ADGRE2: variants seen among roughly 807,000 people sequenced by gnomAD.
ADGRE2 encodes CD97 antigen.
In ADGRE2, 83 loss-of-function variants were observed where a neutral mutation model predicts 100.8. That is an observed-to-expected ratio of 0.82 (90% CI 0.69 to 0.99). The LOEUF (loss-of-function observed/expected upper bound fraction) is 0.99, where lower values mean the gene tolerates loss of function less well. ADGRE2 is among the 50% of genes least tolerant of loss of function. The pLI, the probability that ADGRE2 is intolerant of heterozygous loss-of-function variation, is 0.00. For synonymous variants in ADGRE2, 355 were observed against 413.0 expected, an observed-to-expected ratio of 0.86 and a Z score of 1.70; for missense variants, 814 against 1,035.7, an observed-to-expected ratio of 0.79 and a Z score of 2.94.
rs2043436608 is a variant in ADGRE2, at chr19:14,754,951, C to T, written c.1590+3G>A. The T allele has an allele frequency of 6.2e-7, 1 of 1,613,694 alleles. No individual in the cohort carries two copies. Among genetic ancestry groups the T allele is most frequent in the Non-Finnish European group, 8.5e-7 (1 of 1,179,976 alleles). Reference sequence around the variant, plus strand: ...AGAGTGCATCCCCTCCTAAGGGTCTCACCTGCACATCGTAGTGGGCCATGA... The same window carrying T: ...AGAGTGCATCCCCTCCTAAGGGTCTTACCTGCACATCGTAGTGGGCCATGA... On this transcript the variant is annotated splice_donor_region_variant and intron_variant, in intron 14 of 20. Coordinates refer to ENST00000315576, the MANE Select transcript of ADGRE2 (RefSeq NM_013447.4).
At chr19:14,759,183 G>A (rs1287339078) in intron 11 of ADGRE2, among the ~76,000 whole-genome samples, 3 of 152,122 alleles carry the variant, frequency 2.0e-5, no homozygotes, top group African/African-American at 4.8e-5. Flanking sequence ...TAAAGGAAGA[G>A]GGAGCCCCCA....
At chr19:14,774,674 T>TTTTCTTTC (rs139350304) in intron 2 of ADGRE2, among the ~76,000 whole-genome samples, 1 of 68,944 alleles carries the variant, frequency 1.5e-5, no homozygotes, top group Non-Finnish European at 3.8e-5. Context: ...ATATTTTAAA[T>TTTTCTTTC]TTTCTTTCTT....
chr19:14,737,304 C>T (rs2042786956), intron 20 of ADGRE2, among the ~76,000 whole-genome samples: 1 of 152,022 alleles, frequency 6.6e-6, no homozygotes, highest in Non-Finnish European at 1.5e-5. Flanking sequence ...CCTCCTGCCT[C>T]AGCCTCCCGA....
rs191953697 is a variant in ADGRE2 at position 14,776,303 on chromosome 19, C to G, written c.31+423G>C. 571 of 172,406 alleles carry G rather than the reference C, an allele frequency of 3.3e-3. 1 individual carries two copies. The highest frequency in any genetic ancestry group is 0.023 in the Middle Eastern group (8 of 346). 10.7% of individuals were successfully genotyped at this position (172,406 alleles called of 1,614,324 possible). On this transcript the variant is annotated intron_variant, in intron 2 of 20. Transcript: ENST00000315576. ...AGAAAGAAGGGAGAAGCTGGGGGTACCCTGCAGTGGAGAAGTCCTGGCCTC... is the reference window on the plus strand; with the variant it reads ...AGAAAGAAGGGAGAAGCTGGGGGTAGCCTGCAGTGGAGAAGTCCTGGCCTC...
intron 6 of ADGRE2, 131 bp from the exon 7 acceptor site, chr19:14,766,512 T>C (rs2043984133): frequency 8.5e-7 from 1 of 1,170,430 alleles, no homozygotes; most frequent in South Asian, 1.5e-5. Flanking sequence ...CACCACTTGG[T>C]GACCTTCAAC....
At chr19:14,746,391 C>CT in intron 17 of ADGRE2, 68 bp from the exon 18 acceptor site, 1 of 538,450 alleles carries the variant, frequency 1.9e-6, no homozygotes, top group Non-Finnish European at 2.9e-6. Context: ...TTTTTTTTTT[C>CT]AGACAGGGTC....
At chr19:14,737,624 C>A (rs1397432591) in intron 20 of ADGRE2, among the ~76,000 whole-genome samples, 1 of 152,068 alleles carries the variant, frequency 6.6e-6, no homozygotes, top group East Asian at 1.9e-4. Flanking sequence ...GCCTCCTAAA[C>A]CCCAAGTTAC....
Position 14,755,181 on chromosome 19 carries a change from C to A in ADGRE2, c.1417-54G>T. ...GGGCATGGTGGCTCACGCCTGTAAT[C>A]CCAGCACTTTGGGAGGCTGAAGCAG... On this transcript the variant is annotated intron_variant, in intron 13 of 20. Transcript: ENST00000315576. The A allele has an allele frequency of 1.9e-6, 3 of 1,574,950 alleles. No individual in the cohort carries two copies. The South Asian group carries it at 3.4e-5, about 18-fold the overall frequency.
intron 17 of ADGRE2, 43 bp from the exon 18 acceptor site, chr19:14,746,366 C>CCG: frequency 9.3e-7 from 1 of 1,071,082 alleles, no homozygotes; most frequent in South Asian, 1.4e-5. Flanking sequence ...ATTTTGAAAC[C>CCG]TGTTATCTCT....
chr19:14,746,509 C>T (rs1416716086), intron 17 of ADGRE2, among the ~76,000 whole-genome samples, 186 bp from the exon 18 acceptor site: 1 of 151,702 alleles, frequency 6.6e-6, no homozygotes, highest in Non-Finnish European at 1.5e-5. Flanking sequence ...AGTACAGGCA[C>T]CCACCACCAC....
intron 20 of ADGRE2, among the ~76,000 whole-genome samples, chr19:14,736,891 T>G (rs978933152): frequency 1.8e-4 from 14 of 79,834 alleles, no homozygotes; most frequent in East Asian, 9.1e-4. Context: ...TAGAAATATA[T>G]ATATTTAATA....
chr19:14,751,550 G>A lies in ADGRE2; in HGVS notation c.1910C>T (p.Ser637Leu), dbSNP rs760441774. The A allele has an allele frequency of 2.5e-6, 4 of 1,614,120 alleles. No individual in the cohort carries two copies. Among genetic ancestry groups the A allele is most frequent in the Non-Finnish European group, 2.5e-6 (3 of 1,180,012 alleles). Reference sequence around the variant, plus strand: ...CTTCTTCATGAATCTGTTGATGCTTGAGTAGTTGACCACCGTCAGGTTCCG... The same window carrying A: ...CTTCTTCATGAATCTGTTGATGCTTAAGTAGTTGACCACCGTCAGGTTCCG... ...TARNLTVVNY[S>L]SINRFMKKLM... The change falls in exon 16 of 21, where the codon TCA becomes TTA. Residue 637 changes from serine to leucine, a missense_variant. Ser to Leu is a moderately radical substitution (Grantham distance 145). Transcript: ENST00000315576.
At chr19:14,741,879 A>G in intron 20 of ADGRE2, 1 of 396,318 alleles carries the variant, frequency 2.5e-6, no homozygotes, top group African/African-American at 2.1e-5. Flanking sequence ...AGAAGATGGA[A>G]GAAGAGGTGA....
rs745384669 is a variant in ADGRE2 at position 14,774,255 on chromosome 19, C to A, written c.82+1G>T. The A allele has an allele frequency of 7.0e-6, 11 of 1,570,108 alleles. No individual in the cohort carries two copies. The highest frequency in any genetic ancestry group is 2.3e-5 in the East Asian group (1 of 43,784). On this transcript the variant is annotated splice_donor_variant, in intron 3 of 20. Transcript: ENST00000315576. LOFTEE classifies it high-confidence loss of function. ...TGCTTTCTGCTTCCCAGCAGACTCA[C>A]CCCTGGAGTCCTGGGTTTCAGCTCC... is the stretch of plus-strand genomic sequence containing the variant.
At position 14,773,093 on chromosome 19, in the gene ADGRE2, AAAAAAC is replaced by A. The variant is rs1394259118; in HGVS notation, c.200-602_200-597del. 1.5e-3 allele frequency among the ~76,000 whole-genome samples: 209 copies of A among 143,962 alleles called. 1 individual carries two copies. The highest frequency in any genetic ancestry group is 5.3e-3 in the African/African-American group (202 of 38,038). 94.4% of individuals were successfully genotyped at this position (143,962 alleles called of 152,430 possible). A position where few individuals can be genotyped will look rare whatever the true frequency, so the allele number is the denominator to read the frequency against. ...GAGACTCCATCTCAAAAAAAAAAAA[AAAAAAC>A]AAAAAAAAAAAGAAAAAAGAAAAAT... is the stretch of plus-strand genomic sequence containing the variant. On this transcript the variant is annotated intron_variant, in intron 4 of 20. Coordinates refer to ENST00000315576, the MANE Select transcript of ADGRE2 (RefSeq NM_013447.4).
In ADGRE2 at chr19:14,755,852, G is replaced by A; in HGVS notation, c.1218C>T (p.Ser406=). The change falls in exon 13 of 21, where the codon TCC becomes TCT. Residue 406 remains serine (S), a synonymous_variant. Coordinates refer to ENST00000315576, the MANE Select transcript of ADGRE2 (RefSeq NM_013447.4). Reference sequence around the variant, plus strand: ...CCAGCAACTTGCCCATCCCTGGAATGGAGACAAGGCCCACCACAGAAGGGC... The same window carrying A: ...CCAGCAACTTGCCCATCCCTGGAATAGAGACAAGGCCCACCACAGAAGGGC... ...DPGPSVVGLV[S]IPGMGKLLAE... 1 of 1,614,114 alleles carries A rather than the reference G, an allele frequency of 6.2e-7. No individual in the cohort carries two copies. The highest frequency in any genetic ancestry group is 8.5e-7 in the Non-Finnish European group (1 of 1,180,034).
At chr19:14,774,815 A>C (rs1568630737) in intron 2 of ADGRE2, among the ~76,000 whole-genome samples, 1 of 149,752 alleles carries the variant, frequency 6.7e-6, no homozygotes, top group East Asian at 2.0e-4. Context: ...CTGGGACTAC[A>C]GGCACCCACC....
rs756940070 is a variant in ADGRE2, at chr19:14,746,955, G to A, written c.2032C>T (p.Leu678Phe). ...CATATAAATCCCTTTTCTGGTTGGA[G>A]CCAGCAGCTGAAAAAAGAGAGATTA... is the stretch of plus-strand genomic sequence containing the variant. ...HLYGTPSRCW[L>F]QPEKGFIWGF... The change falls in exon 17 of 21, where the codon CTC becomes TTC. Residue 678 changes from leucine (L) to phenylalanine (F), a missense_variant. By Grantham distance (22) the Leu-to-Phe change is conservative. This residue lies in a region of ADGRE2 where 569 missense variants were observed against 692.7 expected (regional missense o/e 0.82). Coordinates refer to ENST00000315576, the MANE Select transcript of ADGRE2 (RefSeq NM_013447.4). 2 of 1,611,452 alleles carry A rather than the reference G, an allele frequency of 1.2e-6. No individual in the cohort carries two copies. The highest frequency in any genetic ancestry group is 3.4e-5 in the Admixed American group (2 of 59,580).
chr19:14,761,730 A>G (rs1192738125), intron 11 of ADGRE2, among the ~76,000 whole-genome samples: 4 of 152,104 alleles, frequency 2.6e-5, no homozygotes, highest in South Asian at 2.1e-4. Context: ...CCAACCACGT[A>G]TACAGTAAGG....
Sources: gnomAD v4.1 joint callset for allele counts (sites outside exome capture counted in the v4.1 genomes callset) on GRCh38, gnomAD v4.1.1 for gene constraint, gnomAD v4.1.1 regional missense constraint, MANE v1.5 for transcripts, NCBI Gene and HGNC (gene_info 2026-07-23, HGNC 2026-07-21) for gene names.